The following ADAMTS17 variants were observed in gnomAD, a reference collection of about 807,000 sequenced individuals.
The protein encoded by ADAMTS17 is ADAM metallopeptidase with thrombospondin type 1 motif 17.
Under a neutral mutation model 141.5 loss-of-function variants are expected in ADAMTS17, and 113 were observed. The ratio of observed to expected loss-of-function variants is 0.80; its 90% CI spans 0.69 to 0.93. ADAMTS17 has a LOEUF of 0.93. ADAMTS17 is among the 40% of genes least tolerant of loss of function. ADAMTS17 has a pLI of 0.00. For synonymous variants in ADAMTS17, 768 were observed against 630.6 expected (o/e 1.22, Z -3.27); for missense variants, 1,659 against 1,517.9 (o/e 1.09, Z -1.54).
chr15:100,311,594 A>G (rs1319053835), intron 3 of ADAMTS17, among the ~76,000 whole-genome samples: 1 of 152,214 alleles, frequency 6.6e-6, no homozygotes, highest in African/African-American at 2.4e-5. Context: ...AGAACTGGGA[A>G]GAGCCGACAC....
intron 8 of ADAMTS17, among the ~76,000 whole-genome samples, chr15:100,159,901 C>CT (rs1178073296): frequency 6.6e-6 from 1 of 152,206 alleles, no homozygotes; most frequent in African/African-American, 2.4e-5. Flanking sequence ...CGTTTTGCCT[C>CT]TTTAAGAACA....
intron 10 of ADAMTS17, among the ~76,000 whole-genome samples, chr15:100,148,045 A>G (rs897968284): frequency 2.0e-5 from 3 of 151,996 alleles, no homozygotes; most frequent in Admixed American, 6.6e-5. Flanking sequence ...ATCTCTTATT[A>G]CTCACCCTGA....
intron 21 of ADAMTS17, 100 bp downstream of exon 21, chr15:99,975,942 CAAG>C: frequency 7.5e-7 from 1 of 1,324,848 alleles, no homozygotes; most frequent in South Asian, 1.5e-5. Context: ...AAGTGAGGCC[CAAG>C]AAGGGGCTTT....
rs543494876 is a variant in ADAMTS17, at chr15:100,070,781, G to A, written c.2138-16727C>T. On this transcript the variant is annotated intron_variant, in intron 15 of 21. Coordinates refer to ENST00000268070, the MANE Select transcript of ADAMTS17 (RefSeq NM_139057.4). ...AATTTATAGCACTAAATGCCCACAA[G>A]AGAAAGCAGGAAAGATCTAAAATTG... 5.1e-3 allele frequency among the ~76,000 whole-genome samples: 756 copies of A among 149,472 alleles called. 38 individuals carry two copies. Among genetic ancestry groups the A allele is most frequent in the African/African-American group, 0.018 (721 of 40,440 alleles).
In ADAMTS17 at chr15:100,067,434, G is replaced by A. The variant is rs1044808746; in HGVS notation, c.2138-13380C>T. 3.9e-5 allele frequency among the ~76,000 whole-genome samples: 6 copies of A among 152,184 alleles called. No individual in the cohort carries two copies. The East Asian group carries it at 5.8e-4, about 15-fold the overall frequency. ...GTTTCACCATGACATTTCTAAGCAC[G>A]GATAACAGGGAAATACCAGTTGTCA... On this transcript the variant is annotated intron_variant, in intron 15 of 21. Transcript: ENST00000268070.
rs140743302 is a variant in ADAMTS17, at chr15:100,152,872, C to A, written c.1323-110G>T. The A allele has an allele frequency of 4.9e-4, 658 of 1,330,306 alleles. 2 individuals are homozygous for A. The African/African-American group carries it at 9.3e-3, about 19-fold the overall frequency. The allele number at this position is 1,330,306 out of a possible 1,614,324, so 82.4% of individuals were successfully genotyped here. ...AGTCACTGAGAAGAGGGCACCTCCACGTTCCTTATGGAAAAAGGACGCAGG... is the reference window on the plus strand; with the variant it reads ...AGTCACTGAGAAGAGGGCACCTCCAAGTTCCTTATGGAAAAAGGACGCAGG... On this transcript the variant is annotated intron_variant, in intron 9 of 21. Coordinates refer to ENST00000268070, the MANE Select transcript of ADAMTS17 (RefSeq NM_139057.4).
At chr15:100,321,359 A>T (rs1810336680) in intron 3 of ADAMTS17, among the ~76,000 whole-genome samples, 1 of 152,244 alleles carries the variant, frequency 6.6e-6, no homozygotes, top group Non-Finnish European at 1.5e-5. Flanking sequence ...GAATTCTAGC[A>T]ATACTAGAAA....
rs949734876 is a variant in ADAMTS17, at chr15:100,191,013, C to T, written c.1181+8305G>A. On this transcript the variant is annotated intron_variant, in intron 8 of 21. Coordinates refer to ENST00000268070, the MANE Select transcript of ADAMTS17 (RefSeq NM_139057.4). ...TGTCGACTCTGGACATCCCTTCCAG[C>T]TCCAAGAACCACTCAGTTGAGGCTG... Among the ~76,000 whole-genome samples, 82 of 152,278 alleles carry T rather than the reference C, an allele frequency of 5.4e-4. 1 individual carries two copies. The highest frequency in any genetic ancestry group is 1.1e-3 in the Non-Finnish European group (78 of 68,026).
At chr15:100,267,121 A>G (rs2043742534) in intron 4 of ADAMTS17, among the ~76,000 whole-genome samples, 1 of 151,996 alleles carries the variant, frequency 6.6e-6, no homozygotes, top group African/African-American at 2.4e-5. Flanking sequence ...ATCCTCCAAT[A>G]CCGAAGCTCT....
In ADAMTS17 at chr15:100,054,052, GA is replaced by G; in HGVS notation, c.2139del (p.Leu714SerfsTer15). The G allele has an allele frequency of 6.2e-7, 1 of 1,614,172 alleles. No individual in the cohort carries two copies. Among genetic ancestry groups the G allele is most frequent in the Non-Finnish European group, 8.5e-7 (1 of 1,180,034 alleles). On this transcript the variant is annotated frameshift_variant and splice_region_variant, in exon 16 of 22. Transcript: ENST00000268070. LOFTEE classifies it high-confidence loss of function. ...KGDFSHARGTALKDSGKGSIN... is the reference protein window; with the variant it reads ...KGDFSHARGTXLKDSGKGSIN... ...ATGGACCCCTTACCCGAGTCTTTGA[GA>G]GCTAGAAAGCAAGTTGAAGACCAAA...
intron 6 of ADAMTS17, among the ~76,000 whole-genome samples, chr15:100,255,748 C>T (rs1369374174): frequency 6.6e-6 from 1 of 152,108 alleles, no homozygotes; most frequent in African/African-American, 2.4e-5. Flanking sequence ...GGACCAAGGC[C>T]TCAGTCTGAC....
chr15:100,048,589 ATTTTTTT>A (rs3062438), intron 18 of ADAMTS17, among the ~76,000 whole-genome samples: 9 of 92,356 alleles, frequency 9.7e-5, no homozygotes, highest in Non-Finnish European at 1.9e-4. Context: ...GGTGATGGCC[ATTTTTTT>A]TTTTTTTTTT....
intron 13 of ADAMTS17, among the ~76,000 whole-genome samples, chr15:100,111,597 T>A (rs1403423019): frequency 6.6e-6 from 1 of 152,232 alleles, no homozygotes; most frequent in Non-Finnish European, 1.5e-5. Flanking sequence ...CCTCTACTGT[T>A]TCGTTGAAAG....
intron 4 of ADAMTS17, among the ~76,000 whole-genome samples, chr15:100,263,024 C>T (rs1193602073): frequency 6.6e-6 from 1 of 152,164 alleles, no homozygotes; most frequent in African/African-American, 2.4e-5. Flanking sequence ...ATACAGTATG[C>T]TTATGTATAT....
At chr15:99,991,732 C>T (rs1306058111) in intron 20 of ADAMTS17, among the ~76,000 whole-genome samples, 12 of 152,164 alleles carry the variant, frequency 7.9e-5, no homozygotes, top group African/African-American at 2.4e-4. Context: ...CATACGTTTA[C>T]TGCGGCACTG....
intron 14 of ADAMTS17, among the ~76,000 whole-genome samples, chr15:100,106,801 TAGA>T (rs1488399305): frequency 1.3e-5 from 2 of 152,202 alleles, no homozygotes; most frequent in African/African-American, 4.8e-5. Context: ...CTTGGCTGGT[TAGA>T]AGTTTACCAA....
chr15:100,170,332 T>G (rs2040113042), intron 8 of ADAMTS17, among the ~76,000 whole-genome samples: 1 of 152,208 alleles, frequency 6.6e-6, no homozygotes, highest in Non-Finnish European at 1.5e-5. Flanking sequence ...AGGGACCTTG[T>G]AGCTCCCTCA....
intron 15 of ADAMTS17, among the ~76,000 whole-genome samples, chr15:100,088,002 G>C (rs1367255140): frequency 6.6e-6 from 1 of 152,158 alleles, no homozygotes; most frequent in Non-Finnish European, 1.5e-5. Flanking sequence ...AGTCAGGCAG[G>C]AGAAGGAAAT....
At chr15:100,191,730 A>C (rs940034699) in intron 8 of ADAMTS17, among the ~76,000 whole-genome samples, 2 of 152,200 alleles carry the variant, frequency 1.3e-5, no homozygotes, top group African/African-American at 4.8e-5. Context: ...CTCCCATCCA[A>C]GATTCTCTGC....
Sources: allele counts gnomAD v4.1 joint callset (sites outside exome capture counted in the v4.1 genomes callset), GRCh38; gene constraint gnomAD v4.1.1; transcripts MANE v1.5; gene names NCBI Gene and HGNC (gene_info 2026-07-23, HGNC 2026-07-21).